The following VAV2 variants were observed in gnomAD, a reference collection of about 807,000 sequenced individuals.
VAV2 encodes the protein vav guanine nucleotide exchange factor 2.
VAV2 carries 67 observed loss-of-function variants against 132.5 expected under a neutral mutation model. The ratio of observed to expected loss-of-function variants is 0.51; its 90% CI spans 0.42 to 0.62. The LOEUF (loss-of-function observed/expected upper bound fraction) is 0.62. VAV2 is among the 20% of genes least tolerant of loss of function. The pLI is 0.00. For missense variants in VAV2, 938 were observed against 1,153.6 expected, an observed-to-expected ratio of 0.81 and a Z score of 2.71; for synonymous variants, 492 against 443.5, an observed-to-expected ratio of 1.11 and a Z score of -1.37.
At chr9:133,985,069 C>A (rs1842812827) in intron 1 of VAV2, among the ~76,000 whole-genome samples, 1 of 151,948 alleles carries the variant, frequency 6.6e-6, no homozygotes, top group South Asian at 2.1e-4. Flanking sequence ...AAACAAATAC[C>A]CATGTCAACA....
In VAV2 at chr9:133,952,940, ACACCTAGAACCTGGAGGGAGCATGGC is replaced by A. The variant is rs1564495030; in HGVS notation, c.205-13747_205-13722del. On this transcript the variant is annotated intron_variant, in intron 1 of 29. Coordinates refer to ENST00000371850, the MANE Select transcript of VAV2 (RefSeq NM_001134398.2). ...ACCTGGAGGGAGCATGGCCCCCGGGACACCTAGAACCTGGAGGGAGCATGGCCCCCGGGACACCTAGAACCTGGAGG... is the reference window on the plus strand; with the variant it reads ...ACCTGGAGGGAGCATGGCCCCCGGGACCCCGGGACACCTAGAACCTGGAGG... Among the ~76,000 whole-genome samples, 245 of 146,070 alleles carry A rather than the reference ACACCTAGAACCTGGAGGGAGCATGGC, an allele frequency of 1.7e-3. 9 individuals are homozygous for A. The highest frequency in any genetic ancestry group is 5.9e-3 in the African/African-American group (230 of 38,836).
intron 1 of VAV2, among the ~76,000 whole-genome samples, chr9:133,985,226 TTGTGTGTG>T (rs59748267): frequency 0.083 from 11,318 of 137,108 alleles, 498 homozygotes; most frequent in Middle Eastern, 0.14. Flanking sequence ...TCTTGCCTTA[TTGTGTGTG>T]TGTGTGTGTG....
chr9:133,875,224 G>A (rs183514658), intron 2 of VAV2, among the ~76,000 whole-genome samples: 5 of 152,274 alleles, frequency 3.3e-5, no homozygotes, highest in Admixed American at 1.3e-4. Flanking sequence ...CTGGGAACCC[G>A]GGTTCACAGG....
chr9:133,816,860 A>ATCTT (rs1385267426), intron 4 of VAV2, among the ~76,000 whole-genome samples: 1 of 152,248 alleles, frequency 6.6e-6, no homozygotes, highest in Admixed American at 6.5e-5. Context: ...CTATTTGTCT[A>ATCTT]TCTTTACACT....
At position 133,769,281 on chromosome 9, in the gene VAV2, C is replaced by A; in HGVS notation, c.2434+136G>T. On this transcript the variant is annotated intron_variant, in intron 28 of 29. Coordinates refer to ENST00000371850, the MANE Select transcript of VAV2 (RefSeq NM_001134398.2). This position sits in a 1 kb window ranked among gnomAD's most constrained non-coding sequence, Gnocchi z 8.1. ...CCGGCCTCCCCAGCCCCTTTCTCCC[C>A]TCCACCCAGTGCCAGACTGCGGACA... is the stretch of plus-strand genomic sequence containing the variant. 1 of 973,726 alleles carries A rather than the reference C, an allele frequency of 1.0e-6. No individual in the cohort carries two copies. Among genetic ancestry groups the A allele is most frequent in the Admixed American group, 2.8e-5 (1 of 35,088 alleles). The allele number at this position is 973,726 out of a possible 1,614,324, so 60.3% of individuals were successfully genotyped here. A position where few individuals can be genotyped will look rare whatever the true frequency, so the allele number is the denominator to read the frequency against.
In VAV2 at chr9:133,812,222, C is replaced by G. The variant is rs1381578609; in HGVS notation, c.450-6G>C. On this transcript the variant is annotated splice_region_variant and splice_polypyrimidine_tract_variant and intron_variant, in intron 4 of 29. Coordinates refer to ENST00000371850, the MANE Select transcript of VAV2 (RefSeq NM_001134398.2). ...CCTCCCCCAGGTCATGCTCGCTGCACAGGAGGAGGCGGGTTAGAGGGGAGG... is the reference window on the plus strand; with the variant it reads ...CCTCCCCCAGGTCATGCTCGCTGCAGAGGAGGAGGCGGGTTAGAGGGGAGG... The G allele has an allele frequency of 5.0e-6, 8 of 1,613,394 alleles. No homozygotes were observed. The highest frequency in any genetic ancestry group is 6.8e-6 in the Non-Finnish European group (8 of 1,179,906).
At position 133,768,741 on chromosome 9, in the gene VAV2, C is replaced by T. The variant is rs1833519484; in HGVS notation, c.2435-145G>A. ...AGAGGAAGGATGTCAAGCAGAAAGG[C>T]TCTGGAGGGACACACTGGCCTCCAA... On this transcript the variant is annotated intron_variant, in intron 28 of 29. Coordinates refer to ENST00000371850, the MANE Select transcript of VAV2 (RefSeq NM_001134398.2). This position sits in a 1 kb window ranked among gnomAD's most constrained non-coding sequence, Gnocchi z 5.3. The T allele has an allele frequency of 2.7e-6, 3 of 1,120,654 alleles. No individual in the cohort carries two copies. The highest frequency in any genetic ancestry group is 3.7e-6 in the Non-Finnish European group (3 of 810,438). The allele number at this position is 1,120,654 out of a possible 1,614,324, so 69.4% of individuals were successfully genotyped here.
intron 9 of VAV2, among the ~76,000 whole-genome samples, chr9:133,800,120 G>A (rs577876076): frequency 4.6e-5 from 7 of 152,212 alleles, no homozygotes; most frequent in South Asian, 2.1e-4. Flanking sequence ...AACAGTCACC[G>A]ACCCCAAAGC....
At chr9:133,962,147 T>C (rs925230688) in intron 1 of VAV2, among the ~76,000 whole-genome samples, 1 of 152,124 alleles carries the variant, frequency 6.6e-6, no homozygotes, top group East Asian at 1.9e-4. Context: ...AGCTCCTCTA[T>C]GGGACCCTCC....
chr9:133,964,025 A>ATGTGTG (rs200202871), intron 1 of VAV2, among the ~76,000 whole-genome samples: 2 of 42,700 alleles, frequency 4.7e-5, no homozygotes, highest in Admixed American at 2.6e-4. Context: ...ATTCATTCAT[A>ATGTGTG]TATATATATA....
chr9:133,968,283 A>G (rs1046332888), intron 1 of VAV2, among the ~76,000 whole-genome samples: 1 of 152,222 alleles, frequency 6.6e-6, no homozygotes, highest in Non-Finnish European at 1.5e-5. Flanking sequence ...TACACACGGT[A>G]TATGTGTATT....
chr9:133,839,451 G>GTTTT (rs765088441), intron 3 of VAV2, among the ~76,000 whole-genome samples: 1 of 140,474 alleles, frequency 7.1e-6, no homozygotes. Context: ...ATACGAGGAA[G>GTTTT]TTTTTTTTTT....
At chr9:133,842,852 T>C (rs1836780229) in intron 3 of VAV2, among the ~76,000 whole-genome samples, 1 of 152,118 alleles carries the variant, frequency 6.6e-6, no homozygotes. Context: ...TGGCACTGTG[T>C]GCCGGGGAAA....
intron 1 of VAV2, among the ~76,000 whole-genome samples, chr9:133,940,990 C>T (rs920549778): frequency 1.4e-5 from 2 of 144,222 alleles, no homozygotes; most frequent in Non-Finnish European, 3.0e-5. Context: ...GCTGCCATGC[C>T]TCTTCAGTCT....
At chr9:133,899,785 G>A (rs1259698756) in intron 2 of VAV2, among the ~76,000 whole-genome samples, 2 of 147,824 alleles carry the variant, frequency 1.4e-5, no homozygotes, top group Non-Finnish European at 3.0e-5. Flanking sequence ...ACTTTGGGAG[G>A]CCGAGGCGGG....
rs1834098118 is a variant in VAV2 at position 133,783,663 on chromosome 9, G to A, written c.1635-72C>T. 3.5e-6 allele frequency: 5 copies of A among 1,439,516 alleles called. No homozygotes were observed. The Admixed American group carries it at 8.6e-5, about 25-fold the overall frequency. 89.2% of individuals were successfully genotyped at this position (1,439,516 alleles called of 1,614,324 possible). ...CTCATGCCTCTCTGCCAAGGTCAAG[G>A]CCCTTGTCCCCACCCAGGCTCACCT... is the stretch of plus-strand genomic sequence containing the variant. On this transcript the variant is annotated intron_variant, in intron 18 of 29. Transcript: ENST00000371850.
At chr9:133,979,674 C>G (rs1842633184) in intron 1 of VAV2, among the ~76,000 whole-genome samples, 2 of 152,220 alleles carry the variant, frequency 1.3e-5, no homozygotes, top group South Asian at 2.1e-4. Flanking sequence ...AGAGCCCCAC[C>G]ACTGACCTCT....
At chr9:133,979,445 C>T (rs1433024532) in intron 1 of VAV2, among the ~76,000 whole-genome samples, 2 of 152,086 alleles carry the variant, frequency 1.3e-5, no homozygotes, top group Non-Finnish European at 2.9e-5. Context: ...GAGATGGGTC[C>T]CCAGGCAGGG....
chr9:133,842,020 C>T (rs1015764031), intron 3 of VAV2, among the ~76,000 whole-genome samples: 1 of 152,210 alleles, frequency 6.6e-6, no homozygotes, highest in African/African-American at 2.4e-5. Context: ...CCCCACTGAG[C>T]ACTTCCTCCC....
Sources: gnomAD v4.1 joint callset for allele counts (sites outside exome capture counted in the v4.1 genomes callset) on GRCh38, gnomAD v4.1.1 for gene constraint, Gnocchi (gnomAD v3.1) non-coding constraint, MANE v1.5 for transcripts, NCBI Gene and HGNC (gene_info 2026-07-23, HGNC 2026-07-21) for gene names.